The following EXOC4 variants were observed in gnomAD, a reference collection of about 807,000 sequenced individuals.
EXOC4 encodes exocyst complex component 4.
EXOC4 carries 71 observed loss-of-function variants against 107.2 expected under a neutral mutation model. The observed-to-expected ratio is 0.66, with a 90% confidence interval of 0.55 to 0.81. The LOEUF (loss-of-function observed/expected upper bound fraction) is 0.81, where lower values mean the gene tolerates loss of function less well. EXOC4 is among the 30% of genes least tolerant of loss of function. EXOC4 has a pLI of 0.00. For missense variants in EXOC4, 1,108 were observed against 1,189.6 expected (o/e 0.93, Z 1.01); for synonymous variants, 456 against 441.2 (o/e 1.03, Z -0.42).
At chr7:133,450,094 T>C (rs1319768255) in intron 7 of EXOC4, among the ~76,000 whole-genome samples, 2 of 152,184 alleles carry the variant, frequency 1.3e-5, no homozygotes, top group Non-Finnish European at 2.9e-5. Context: ...TCTTTTACTG[T>C]TGCAAGAAGC....
At chr7:133,736,294 T>C (rs1795443917) in intron 10 of EXOC4, among the ~76,000 whole-genome samples, 1 of 152,222 alleles carries the variant, frequency 6.6e-6, no homozygotes, top group Non-Finnish European at 1.5e-5. Context: ...CTTTCTCTTT[T>C]GAATATTTTT....
At chr7:133,676,925 C>CTG (rs1491119664) in intron 10 of EXOC4, among the ~76,000 whole-genome samples, 2 of 77,206 alleles carry the variant, frequency 2.6e-5, no homozygotes, top group African/African-American at 9.6e-5. Context: ...ATGTAGTAAA[C>CTG]TCTGTGTGTG....
chr7:133,675,227 T>C (rs1376467202), intron 10 of EXOC4, among the ~76,000 whole-genome samples: 1 of 152,146 alleles, frequency 6.6e-6, no homozygotes, highest in Non-Finnish European at 1.5e-5. Context: ...TTTGGAGTTT[T>C]CAAGGCGACC....
intron 14 of EXOC4, among the ~76,000 whole-genome samples, chr7:133,971,296 T>A (rs1801215562): frequency 3.6e-5 from 5 of 140,194 alleles, no homozygotes; most frequent in Admixed American, 2.3e-4. Context: ...TCCCAGCTCC[T>A]TGAACCTTGG....
chr7:133,581,045 G>A (rs527330003), intron 9 of EXOC4, among the ~76,000 whole-genome samples: 3 of 152,250 alleles, frequency 2.0e-5, no homozygotes, highest in East Asian at 1.9e-4. Context: ...TGCATTTTCC[G>A]TGTTGTATAA....
At chr7:133,643,984 G>C (rs909985384) in intron 10 of EXOC4, among the ~76,000 whole-genome samples, 4 of 152,142 alleles carry the variant, frequency 2.6e-5, no homozygotes, top group African/African-American at 7.2e-5. Flanking sequence ...AAGATTCACT[G>C]CATAAATTGT....
intron 14 of EXOC4, among the ~76,000 whole-genome samples, chr7:133,953,913 G>A (rs889624015): frequency 2.6e-5 from 4 of 152,130 alleles, no homozygotes; most frequent in African/African-American, 9.7e-5. Flanking sequence ...TTTAACATAA[G>A]AGATGACATG....
intron 10 of EXOC4, among the ~76,000 whole-genome samples, chr7:133,792,350 C>G (rs956990782): frequency 3.9e-5 from 6 of 152,006 alleles, no homozygotes; most frequent in Middle Eastern, 3.4e-3. Context: ...TCCAGGAGTT[C>G]GAGATCAGCC....
At chr7:133,343,652 C>T (rs1439340841) in intron 5 of EXOC4, among the ~76,000 whole-genome samples, 4 of 150,478 alleles carry the variant, frequency 2.7e-5, no homozygotes, top group East Asian at 2.0e-4. Flanking sequence ...GTTTTTTGTC[C>T]GTGTCTTTTC....
At chr7:133,820,269 T>G (rs144041554) in intron 11 of EXOC4, among the ~76,000 whole-genome samples, 238 of 151,938 alleles carry the variant, frequency 1.6e-3, no homozygotes, top group Non-Finnish European at 2.6e-3. Context: ...TTGTTTAATA[T>G]TCTCAGAGAG....
the EXOC4 span, among the ~76,000 whole-genome samples, chr7:134,094,255 C>T: frequency 5.9e-5 from 9 of 152,190 alleles, no homozygotes; most frequent in Non-Finnish European, 8.8e-5. Context: ...CCCAGAAATA[C>T]AAAAGATCCT....
intron 3 of EXOC4, among the ~76,000 whole-genome samples, chr7:133,298,121 A>G (rs999801000): frequency 2.0e-5 from 3 of 152,272 alleles, no homozygotes; most frequent in East Asian, 3.9e-4. Context: ...ACAAGATAGG[A>G]GGAGCTTGTT....
chr7:134,010,253 G>A (rs74840918), intron 17 of EXOC4: 1 of 152,262 alleles, frequency 6.6e-6, no homozygotes, highest in East Asian at 1.9e-4. Context: ...TCAAATCAAG[G>A]CTAATTTTGG....
intron 10 of EXOC4, among the ~76,000 whole-genome samples, chr7:133,682,870 G>A (rs184266405): frequency 6.6e-6 from 1 of 152,292 alleles, no homozygotes; most frequent in Admixed American, 6.5e-5. Context: ...CTCAAGTACC[G>A]ATACGTGCTT....
intron 10 of EXOC4, among the ~76,000 whole-genome samples, chr7:133,670,765 C>T (rs1793927570): frequency 6.6e-6 from 1 of 152,184 alleles, no homozygotes; most frequent in Non-Finnish European, 1.5e-5. Flanking sequence ...CAAGCATTTA[C>T]CACCATGATG....
At position 133,939,359 on chromosome 7, in the gene EXOC4, C is replaced by T. The variant is rs543831407; in HGVS notation, c.2206+1290C>T. Reference sequence around the variant, plus strand: ...AAGAGTCTAAGGAACCCCTTGAGTGCTCACTACTTGCATGGCCTCATGCTG... The same window carrying T: ...AAGAGTCTAAGGAACCCCTTGAGTGTTCACTACTTGCATGGCCTCATGCTG... On this transcript the variant is annotated intron_variant, in intron 14 of 17. Coordinates refer to ENST00000253861, the MANE Select transcript of EXOC4 (RefSeq NM_021807.4). 7.9e-5 allele frequency among the ~76,000 whole-genome samples: 12 copies of T among 152,260 alleles called. 2 individuals are homozygous for T. In the South Asian group the frequency reaches 2.1e-3, roughly 26 times the overall value.
chr7:133,919,349 T>C (rs961562085), intron 13 of EXOC4, among the ~76,000 whole-genome samples: 3 of 152,192 alleles, frequency 2.0e-5, no homozygotes, highest in Admixed American at 6.5e-5. Flanking sequence ...GTATTTGTTA[T>C]AATTGATGAG....
intron 10 of EXOC4, among the ~76,000 whole-genome samples, chr7:133,730,574 G>T (rs1042587686): frequency 6.6e-6 from 1 of 152,026 alleles, no homozygotes; most frequent in South Asian, 2.1e-4. Context: ...CATTCGCTTT[G>T]GGATGCCTGT....
At chr7:133,999,706 T>A (rs1794486810) in intron 15 of EXOC4, among the ~76,000 whole-genome samples, 1 of 152,166 alleles carries the variant, frequency 6.6e-6, no homozygotes, top group South Asian at 2.1e-4. Flanking sequence ...TTAGTTACTA[T>A]CACAATTCCT....
Sources: gnomAD v4.1 joint callset for allele counts (sites outside exome capture counted in the v4.1 genomes callset) on GRCh38, gnomAD v4.1.1 for gene constraint, MANE v1.5 for transcripts, NCBI Gene and HGNC (gene_info 2026-07-23, HGNC 2026-07-21) for gene names.